Variants in SCML4 observed in about 807,000 individuals in gnomAD.
The protein encoded by SCML4 is Scm polycomb group protein like 4.
Under a neutral mutation model 41.1 loss-of-function variants are expected in SCML4, and 34 were observed. The ratio of observed to expected loss-of-function variants is 0.83; its 90% CI spans 0.63 to 1.10. The LOEUF (loss-of-function observed/expected upper bound fraction) is 1.10. Ranked by LOEUF, SCML4 falls within the 50% of genes least tolerant of loss-of-function variation. The probability of loss-of-function intolerance (pLI) is 0.00; values close to 1 mark genes in which losing one functional copy is unlikely to be tolerated. For synonymous variants in SCML4, 214 were observed against 220.9 expected (o/e 0.97, Z 0.28); for missense variants, 522 against 534.1 (o/e 0.98, Z 0.22).
intron 5 of SCML4, among the ~76,000 whole-genome samples, chr6:107,721,199 T>C (rs375037308): frequency 4.9e-4 from 75 of 152,312 alleles, no homozygotes; most frequent in African/African-American, 1.7e-3. Flanking sequence ...GAGCATATTG[T>C]AATAGGAATT....
chr6:107,756,781 T>G (rs1562224825), intron 2 of SCML4, among the ~76,000 whole-genome samples: 1 of 152,170 alleles, frequency 6.6e-6, no homozygotes, highest in Non-Finnish European at 1.5e-5. Flanking sequence ...GTGTTTGTTT[T>G]CAAAATATTA....
chr6:107,807,394 C>T (rs922183696), intron 1 of SCML4, among the ~76,000 whole-genome samples: 5 of 152,132 alleles, frequency 3.3e-5, no homozygotes, highest in African/African-American at 9.7e-5. Flanking sequence ...CTAGCAAGAC[C>T]TTTTAATGGC....
At chr6:107,756,573 T>C (rs1318255952) in intron 2 of SCML4, among the ~76,000 whole-genome samples, 2 of 151,984 alleles carry the variant, frequency 1.3e-5, no homozygotes, top group Non-Finnish European at 2.9e-5. Context: ...TAGAATAGAA[T>C]AGGGAAAAGC....
At chr6:107,844,210 G>A in the SCML4 span, among the ~76,000 whole-genome samples, 2 of 152,038 alleles carry the variant, frequency 1.3e-5, no homozygotes, top group African/African-American at 4.8e-5. Context: ...AAAGGGAGAC[G>A]ATGAGTCTGA....
At chr6:107,764,244 T>C (rs1779856969) in intron 2 of SCML4, among the ~76,000 whole-genome samples, 1 of 152,198 alleles carries the variant, frequency 6.6e-6, no homozygotes. Flanking sequence ...TTGGGGGAGA[T>C]GTTAAACACC....
intron 1 of SCML4, among the ~76,000 whole-genome samples, chr6:107,779,235 A>G (rs1165901573): frequency 6.6e-6 from 1 of 152,056 alleles, no homozygotes; most frequent in Non-Finnish European, 1.5e-5. Flanking sequence ...GTCATTGTCT[A>G]CAGAGAAGCA....
At chr6:107,840,199 C>T in the SCML4 span, among the ~76,000 whole-genome samples, 9 of 141,982 alleles carry the variant, frequency 6.3e-5, no homozygotes, top group East Asian at 2.1e-4. Flanking sequence ...AAATGGTAAA[C>T]GAGTGAATGA....
intron 2 of SCML4, among the ~76,000 whole-genome samples, chr6:107,761,455 T>TC (rs1562229466): frequency 3.3e-5 from 5 of 151,802 alleles, no homozygotes; most frequent in African/African-American, 1.2e-4. Flanking sequence ...TTTTTTTTTT[T>TC]AGACAGAGTC....
the SCML4 span, among the ~76,000 whole-genome samples, chr6:107,832,888 C>A: frequency 6.6e-6 from 1 of 152,184 alleles, no homozygotes; most frequent in Non-Finnish European, 1.5e-5. Flanking sequence ...GAAATGCTTG[C>A]TGTGGTTGAA....
chr6:107,828,156 G>A (rs1425799479), upstream of SCML4, among the ~76,000 whole-genome samples: 1 of 152,210 alleles, frequency 6.6e-6, no homozygotes, highest in Admixed American at 6.5e-5. Flanking sequence ...AGGACACACA[G>A]CTTAGAAGTG....
At chr6:107,795,585 T>C (rs1278666436) in intron 1 of SCML4, among the ~76,000 whole-genome samples, 1 of 152,158 alleles carries the variant, frequency 6.6e-6, no homozygotes, top group Non-Finnish European at 1.5e-5. Flanking sequence ...TTGAGTGCAA[T>C]GGCGTGATCT....
intron 6 of SCML4, among the ~76,000 whole-genome samples, chr6:107,716,531 C>T (rs1774815837): frequency 6.6e-6 from 1 of 152,178 alleles, no homozygotes; most frequent in African/African-American, 2.4e-5. Context: ...ATACAGGCCT[C>T]AAGCCCCCCT....
the SCML4 span, among the ~76,000 whole-genome samples, chr6:107,843,523 C>T: frequency 2.0e-5 from 3 of 152,158 alleles, no homozygotes; most frequent in South Asian, 6.2e-4. Context: ...AGGGAAGTGG[C>T]TTATTCAAAA....
At chr6:107,762,357 T>A (rs1779668615) in intron 2 of SCML4, among the ~76,000 whole-genome samples, 1 of 152,150 alleles carries the variant, frequency 6.6e-6, no homozygotes, top group Admixed American at 6.5e-5. Context: ...TCAGTATAGA[T>A]TTAAGCCCAA....
At chr6:107,779,731 C>T (rs924593433) in intron 1 of SCML4, among the ~76,000 whole-genome samples, 1 of 152,180 alleles carries the variant, frequency 6.6e-6, no homozygotes, top group African/African-American at 2.4e-5. Context: ...CCAGCAGTTT[C>T]ATCCTAATGC....
chr6:107,798,789 G>A (rs541477580), intron 1 of SCML4, among the ~76,000 whole-genome samples: 6 of 152,072 alleles, frequency 3.9e-5, no homozygotes, highest in Non-Finnish European at 8.8e-5. Context: ...AGTATGCTGA[G>A]CTTTCTTTTC....
rs182477690 is a variant in SCML4, at chr6:107,811,099, C to T, written c.-60+13027G>A. Reference sequence around the variant, plus strand: ...CATAAGGACAGTGAGAAGGCAGCCACGTGCAAGGCAAGGAGAGAGGGCTCA... The same window carrying T: ...CATAAGGACAGTGAGAAGGCAGCCATGTGCAAGGCAAGGAGAGAGGGCTCA... On this transcript the variant is annotated intron_variant, in intron 1 of 7. Coordinates refer to ENST00000369020, the MANE Select transcript of SCML4 (RefSeq NM_198081.5). 5.5e-4 allele frequency among the ~76,000 whole-genome samples: 83 copies of T among 152,228 alleles called. 2 individuals carry two copies. Among genetic ancestry groups the T allele is most frequent in the African/African-American group, 1.9e-3 (78 of 41,550 alleles).
At chr6:107,841,685 G>C in the SCML4 span, among the ~76,000 whole-genome samples, 1 of 152,198 alleles carries the variant, frequency 6.6e-6, no homozygotes, top group Non-Finnish European at 1.5e-5. Context: ...TGTATCATAA[G>C]CACTCAATAA....
chr6:107,749,725 G>A lies in SCML4; in HGVS notation c.245C>T (p.Ala82Val), dbSNP rs561631407. The A allele has an allele frequency of 2.5e-5, 40 of 1,613,980 alleles. No homozygotes were observed. The South Asian group carries it at 4.1e-4, about 16-fold the overall frequency. Reference sequence around the variant, plus strand: ...GGCCGCCAAGCTGGGGACCGTGGCTGCGTCCTGAGGGATGGAGCTGAGGTC... The same window carrying A: ...GGCCGCCAAGCTGGGGACCGTGGCTACGTCCTGAGGGATGGAGCTGAGGTC... The part of the protein sequence containing the change: ...EPDLSSIPQD[A>V]ATVPSLAAPQ... Residue 82 changes from alanine (A) to valine (V), a missense_variant, in exon 3 of 8, where the codon GCA becomes GTA. Physicochemically the swap from Ala to Val is moderately conservative, Grantham distance 64 (BLOSUM62 0). Coordinates refer to ENST00000369020, the MANE Select transcript of SCML4 (RefSeq NM_198081.5).
Sources: allele counts gnomAD v4.1 joint callset (sites outside exome capture counted in the v4.1 genomes callset), GRCh38; gene constraint gnomAD v4.1.1; transcripts MANE v1.5; gene names NCBI Gene and HGNC (gene_info 2026-07-23, HGNC 2026-07-21).